UTRN: variants seen among roughly 807,000 people sequenced by gnomAD.
UTRN encodes dystrophin-related protein 1.
Under a neutral mutation model 463.9 loss-of-function variants are expected in UTRN, and 283 were observed. The ratio of observed to expected loss-of-function variants is 0.61; its 90% CI spans 0.55 to 0.67. The LOEUF (loss-of-function observed/expected upper bound fraction) is 0.67. Ranked by LOEUF, UTRN falls within the 30% of genes least tolerant of loss-of-function variation. The probability of loss-of-function intolerance (pLI) is 0.00; values close to 1 mark genes in which losing one functional copy is unlikely to be tolerated. For synonymous variants in UTRN, 1,442 were observed against 1,431.5 expected, an observed-to-expected ratio of 1.01 and a Z score of -0.17; for missense variants, 3,922 against 4,084.3, an observed-to-expected ratio of 0.96 and a Z score of 1.08.
chr6:144,568,112 A>G lies in UTRN; in HGVS notation c.7290-8987A>G, dbSNP rs562947944. Among the ~76,000 whole-genome samples, 7 of 152,250 alleles carry G rather than the reference A, an allele frequency of 4.6e-5. No individual in the cohort carries two copies. In the South Asian group the frequency reaches 1.5e-3, roughly 32 times the overall value. ...TTTAAAAAAAATCCTACTTCCCTTT[A>G]CTGTAAAGTGTTATAAATCTGTCAC... On this transcript the variant is annotated intron_variant, in intron 50 of 74. Coordinates refer to ENST00000367545, the MANE Select transcript of UTRN (RefSeq NM_007124.3).
Position 144,597,625 on chromosome 6 carries a change from T to C in UTRN, c.7479+20337T>C, listed in dbSNP as rs576461109. On this transcript the variant is annotated intron_variant, in intron 51 of 74. Coordinates refer to ENST00000367545, the MANE Select transcript of UTRN (RefSeq NM_007124.3). Reference sequence around the variant, plus strand: ...GGTGTTGACATAATATCTTTTTGTCTTTCTTATTCATCAAGGTTAGTAGAA... The same window carrying C: ...GGTGTTGACATAATATCTTTTTGTCCTTCTTATTCATCAAGGTTAGTAGAA... Among the ~76,000 whole-genome samples the C allele has an allele frequency of 5.3e-5, 8 of 152,350 alleles. No homozygotes were observed. The South Asian group carries it at 1.5e-3, about 28-fold the overall frequency.
rs755469711 is a variant in UTRN at position 144,554,675 on chromosome 6, A to G, written c.6929-13A>G. On this transcript the variant is annotated splice_polypyrimidine_tract_variant and intron_variant, in intron 48 of 74. Transcript: ENST00000367545. The stretch of plus-strand genomic sequence containing the variant: ...TGTTGGGATTTTTTTTTCTTTTATA[A>G]TGCTACCCTCAGTGGAAAGGGTCAA... 1 of 1,613,270 alleles carries G rather than the reference A, an allele frequency of 6.2e-7. No individual in the cohort carries two copies. Among genetic ancestry groups the G allele is most frequent in the Non-Finnish European group, 8.5e-7 (1 of 1,179,724 alleles).
At chr6:144,462,548 T>G in intron 22 of UTRN, 106 bp from the exon 23 acceptor site, 1 of 1,046,486 alleles carries the variant, frequency 9.6e-7, no homozygotes, top group South Asian at 1.6e-5. Context: ...ATAAAAATGC[T>G]TTCTAATGCA....
chr6:144,450,204 A>G (rs1788123347), intron 17 of UTRN, among the ~76,000 whole-genome samples: 2 of 152,162 alleles, frequency 1.3e-5, no homozygotes, highest in Admixed American at 6.5e-5. Context: ...GATAAATAGA[A>G]TCATGTCAGT....
intron 2 of UTRN, among the ~76,000 whole-genome samples, chr6:144,331,780 C>T (rs767527149): frequency 7.2e-5 from 11 of 152,108 alleles, no homozygotes; most frequent in South Asian, 2.1e-4. Flanking sequence ...GATAAACTCC[C>T]GGAGTTTTGC....
intron 27 of UTRN, among the ~76,000 whole-genome samples, chr6:144,483,363 C>CT (rs1792089111): frequency 6.6e-6 from 1 of 152,048 alleles, no homozygotes; most frequent in African/African-American, 2.4e-5. Flanking sequence ...TTTTGGTCTG[C>CT]TTTTTGCTTG....
chr6:144,536,214 A>G (rs1488096280), intron 43 of UTRN, among the ~76,000 whole-genome samples: 1 of 152,206 alleles, frequency 6.6e-6, no homozygotes, highest in Non-Finnish European at 1.5e-5. Context: ...TGACTCAAAT[A>G]TATCTTATTG....
At chr6:144,561,626 G>A (rs1296986914) in intron 50 of UTRN, among the ~76,000 whole-genome samples, 1 of 152,034 alleles carries the variant, frequency 6.6e-6, no homozygotes, top group Non-Finnish European at 1.5e-5. Context: ...AAGGTATATG[G>A]GGCAATCCTT....
chr6:144,557,448 T>C, intron 50 of UTRN, 137 bp downstream of exon 50: 4 of 877,302 alleles, frequency 4.6e-6, no homozygotes, highest in Non-Finnish European at 3.3e-6. Context: ...TACTGTGATG[T>C]TCTGAGTTAG....
At chr6:144,361,772 CTTT>C (rs371182123) in intron 2 of UTRN, among the ~76,000 whole-genome samples, 1 of 134,808 alleles carries the variant, frequency 7.4e-6, no homozygotes. Context: ...TTCTTTCTTT[CTTT>C]TTTTTTTTTT....
At chr6:144,583,728 C>T (rs1802200728) in intron 51 of UTRN, 1 of 441,814 alleles carries the variant, frequency 2.3e-6, no homozygotes, top group East Asian at 3.3e-5. Flanking sequence ...ATTGTGAAAG[C>T]TGTTAAAGTG....
In UTRN at chr6:144,836,486, A is replaced by G. The variant is rs759985152; in HGVS notation, c.10010A>G (p.Asp3337Gly). 1 of 1,613,974 alleles carries G rather than the reference A, an allele frequency of 6.2e-7. No individual in the cohort carries two copies. The highest frequency in any genetic ancestry group is 1.7e-5 in the Admixed American group (1 of 60,012). ...GAGGCTAGGATGCAGATTTTAGAAG[A>G]TCACAATAAACAGCTGGAGTCTCAG... Reference protein sequence around the residue: ...RLEARMQILEDHNKQLESQLH... With the variant: ...RLEARMQILEGHNKQLESQLH... Residue 3337 changes from aspartate to glycine, a missense_variant, in exon 71 of 75, where the codon GAT becomes GGT. Around this residue, in one of 3 missense-constraint regions of UTRN, gnomAD observed 1,309 missense variants for 1,452.6 expected, o/e 0.90. Transcript: ENST00000367545.
intron 25 of UTRN, among the ~76,000 whole-genome samples, chr6:144,475,161 G>A (rs1791061693): frequency 6.6e-6 from 1 of 152,230 alleles, no homozygotes; most frequent in African/African-American, 2.4e-5. Context: ...TTACATTCTA[G>A]TGAGGCAGAT....
At chr6:144,302,449 G>A (rs748658499) in intron 2 of UTRN, among the ~76,000 whole-genome samples, 4 of 148,318 alleles carry the variant, frequency 2.7e-5, no homozygotes, top group Non-Finnish European at 3.0e-5. Flanking sequence ...GGCAGAGGTT[G>A]TAGTGAGACG....
chr6:144,773,120 C>CTT (rs1794267239), intron 59 of UTRN, among the ~76,000 whole-genome samples: 1 of 152,102 alleles, frequency 6.6e-6, no homozygotes. Context: ...CTCTGATACT[C>CTT]TGTCTTTAGG....
chr6:144,751,713 C>T, intron 55 of UTRN, 93 bp from the exon 56 acceptor site: 2 of 1,216,370 alleles, frequency 1.6e-6, no homozygotes, highest in South Asian at 1.8e-5. Context: ...TATGTGAACC[C>T]ATGCAGTTCA....
intron 2 of UTRN, among the ~76,000 whole-genome samples, chr6:144,375,355 G>A (rs1020702139): frequency 4.6e-5 from 7 of 152,310 alleles, no homozygotes; most frequent in East Asian, 1.9e-4. Context: ...ATAACTCAGC[G>A]TTTATAAGCA....
chr6:144,624,313 A>G (rs1775727297), intron 51 of UTRN, among the ~76,000 whole-genome samples: 1 of 152,192 alleles, frequency 6.6e-6, no homozygotes, highest in Non-Finnish European at 1.5e-5. Flanking sequence ...ACTGTGCTTT[A>G]GAAAGATTAA....
At position 144,636,961 on chromosome 6, in the gene UTRN, TTTTG is replaced by T. The variant is rs537561607; in HGVS notation, c.7480-41425_7480-41422del. Among the ~76,000 whole-genome samples the T allele has an allele frequency of 8.5e-5, 13 of 152,176 alleles. No individual in the cohort carries two copies. In the East Asian group the frequency reaches 1.4e-3, roughly 16 times the overall value. On this transcript the variant is annotated intron_variant, in intron 51 of 74. Transcript: ENST00000367545. ...GTTGAAATCGTGCTTCTTTCTTGAT[TTTTG>T]TTTGTTTGTTTGTTTGTTTTTTGAG...
Sources: gnomAD v4.1 joint callset for allele counts (sites outside exome capture counted in the v4.1 genomes callset) on GRCh38, gnomAD v4.1.1 for gene constraint, gnomAD v4.1.1 regional missense constraint, MANE v1.5 for transcripts, NCBI Gene and HGNC (gene_info 2026-07-23, HGNC 2026-07-21) for gene names.